Variants in CMC1 observed in about 807,000 individuals in gnomAD.
CMC1 encodes COX assembly mitochondrial protein homolog.
A neutral mutation model predicts 14.1 loss-of-function variants in CMC1; 14 were observed. The observed-to-expected ratio is 0.99, with a 90% CI of 0.66 to 1.55. The LOEUF is 1.55. Among genes scored for constraint, CMC1 ranks in the 40% most tolerant of loss-of-function variants. The probability of loss-of-function intolerance (pLI) is 0.00; values close to 1 mark genes in which losing one functional copy is unlikely to be tolerated. For missense variants in CMC1, 127 were observed against 123.8 expected (o/e 1.03, Z -0.12); for synonymous variants, 50 against 38.4 (o/e 1.30, Z -1.12).
Position 28,308,929 on chromosome 3 carries a change from G to A in CMC1, c.110-7404G>A, listed in dbSNP as rs563259602. Among the ~76,000 whole-genome samples, 5 of 151,800 alleles carry A rather than the reference G, an allele frequency of 3.3e-5. No individual in the cohort carries two copies. The South Asian group carries it at 8.3e-4, about 25-fold the overall frequency. On this transcript the variant is annotated intron_variant, in intron 2 of 3. Transcript: ENST00000466830. ...ACCTGGGAGGCGGAGGTTGCAGTGA[G>A]CCAAGATCATGCCACTGCACTCCAG...
At chr3:28,279,198 T>C (rs1700740138) in intron 2 of CMC1, among the ~76,000 whole-genome samples, 1 of 152,160 alleles carries the variant, frequency 6.6e-6, no homozygotes, top group African/African-American at 2.4e-5. Context: ...GTGAGTCCCC[T>C]GCCAGGTAGG....
intron 2 of CMC1, among the ~76,000 whole-genome samples, chr3:28,302,424 A>G (rs1702100433): frequency 6.6e-6 from 1 of 152,174 alleles, no homozygotes; most frequent in South Asian, 2.1e-4. Context: ...CAAAGAGGGA[A>G]TATGTAAGAA....
Position 28,304,108 on chromosome 3 carries a change from A to G in CMC1, c.110-12225A>G, listed in dbSNP as rs575415847. On this transcript the variant is annotated intron_variant, in intron 2 of 3. Transcript: ENST00000466830. ...CCAACATGGTCACCATTAGACATAC[A>G]TGGCTATTTTAATTAAAATGAAAAA... 4.6e-5 allele frequency among the ~76,000 whole-genome samples: 7 copies of G among 152,282 alleles called. No homozygotes were observed. In the East Asian group the frequency reaches 1.2e-3, roughly 25 times the overall value.
At chr3:28,294,341 A>G (rs926912085) in intron 2 of CMC1, 1 of 188,294 alleles carries the variant, frequency 5.3e-6, no homozygotes, top group African/African-American at 2.4e-5. Flanking sequence ...TAGGCTTCTA[A>G]AGTTGCGAAT....
At chr3:28,315,841 C>A (rs540799417) in intron 2 of CMC1, 1 of 152,612 alleles carries the variant, frequency 6.6e-6, no homozygotes, top group South Asian at 2.1e-4. Flanking sequence ...CTAGGCTATA[C>A]AAAATAGCCT....
At position 28,319,491 on chromosome 3, in the gene CMC1, T is replaced by G; in HGVS notation, c.201-18T>G. The G allele has an allele frequency of 6.3e-7, 1 of 1,575,894 alleles. No homozygotes were observed. The highest frequency in any genetic ancestry group is 8.7e-7 in the Non-Finnish European group (1 of 1,155,026). On this transcript the variant is annotated intron_variant, in intron 3 of 3. Transcript: ENST00000466830. ...GCAGGATTATTTACTTGAAAATATTTTCATTTCCTTCTCATAGCTATAATG... is the reference window on the plus strand; with the variant it reads ...GCAGGATTATTTACTTGAAAATATTGTCATTTCCTTCTCATAGCTATAATG...
At chr3:28,294,046 T>C (rs922641628) in intron 2 of CMC1, among the ~76,000 whole-genome samples, 4 of 152,184 alleles carry the variant, frequency 2.6e-5, no homozygotes, top group East Asian at 1.9e-4. Flanking sequence ...CTCATTTTAA[T>C]TGGTTAGAGT....
rs1377586542 is a variant in CMC1, at chr3:28,324,272, G to A, written c.*4643G>A. 1 of 1,608,920 alleles carries A rather than the reference G, an allele frequency of 6.2e-7. No homozygotes were observed. Among genetic ancestry groups the A allele is most frequent in the South Asian group, 1.1e-5 (1 of 90,784 alleles). On this transcript the variant is annotated 3_prime_UTR_variant, in exon 4 of 4. Coordinates refer to ENST00000466830, the MANE Select transcript of CMC1 (RefSeq NM_182523.2). ...GATCTCTCATTGTCTGTCCATGATT[G>A]GAGGATTGCTTTCTCTGATAAAACC...
intron 1 of CMC1, chr3:28,262,994 A>G (rs1280662387): frequency 8.4e-5 from 22 of 261,174 alleles, no homozygotes. Context: ...GGAATGATTT[A>G]GATGCCAACT....
intron 2 of CMC1, among the ~76,000 whole-genome samples, chr3:28,292,204 A>T (rs1180300069): frequency 6.6e-6 from 1 of 152,122 alleles, no homozygotes; most frequent in African/African-American, 2.4e-5. Flanking sequence ...AATTTATAGT[A>T]TAATACTATC....
At chr3:28,302,137 C>T (rs1208713581) in intron 2 of CMC1, among the ~76,000 whole-genome samples, 1 of 152,166 alleles carries the variant, frequency 6.6e-6, no homozygotes, top group Non-Finnish European at 1.5e-5. Context: ...ACTGTTGGCT[C>T]ATACTTATTG....
chr3:28,252,867 A>G (rs531165685), intron 1 of CMC1, among the ~76,000 whole-genome samples: 3 of 152,354 alleles, frequency 2.0e-5, no homozygotes, highest in Non-Finnish European at 4.4e-5. Flanking sequence ...GAGAACTGTT[A>G]TGAAGACTGT....
intron 2 of CMC1, among the ~76,000 whole-genome samples, chr3:28,278,727 A>T (rs962778219): frequency 6.6e-6 from 1 of 152,238 alleles, no homozygotes; most frequent in Non-Finnish European, 1.5e-5. Context: ...TAAAAAGAGT[A>T]AATTACCTAT....
chr3:28,294,425 A>G, intron 2 of CMC1: 3 of 900,556 alleles, frequency 3.3e-6, no homozygotes, highest in Non-Finnish European at 4.0e-6. Context: ...TTTCTCTTTT[A>G]CAATACAGGA....
chr3:28,305,779 A>ATTTTTT lies in CMC1; in HGVS notation c.110-10528_110-10523dup, dbSNP rs71087685. Among the ~76,000 whole-genome samples the ATTTTTT allele has an allele frequency of 2.5e-3, 107 of 43,578 alleles. 3 individuals are homozygous for ATTTTTT. The highest frequency in any genetic ancestry group is 8.7e-3 in the African/African-American group (78 of 8,996). 28.6% of individuals were successfully genotyped at this position (43,578 alleles called of 152,430 possible). A position where few individuals can be genotyped will look rare whatever the true frequency, so the allele number is the denominator to read the frequency against. On this transcript the variant is annotated intron_variant, in intron 2 of 3. Coordinates refer to ENST00000466830, the MANE Select transcript of CMC1 (RefSeq NM_182523.2). ...GTGTCCAGAAGAGTTTTTCATAGGA[A>ATTTTTT]TTTTTTTTTTTTTTTTTTTTTTTTT...
At chr3:28,245,319 T>G (rs1485361851) in intron 1 of CMC1, among the ~76,000 whole-genome samples, 2 of 152,232 alleles carry the variant, frequency 1.3e-5, no homozygotes, top group Non-Finnish European at 2.9e-5. Flanking sequence ...AACAGCAATC[T>G]TTGCTTATTG....
At chr3:28,282,214 G>T (rs1425883430) in intron 2 of CMC1, among the ~76,000 whole-genome samples, 1 of 152,108 alleles carries the variant, frequency 6.6e-6, no homozygotes, top group African/African-American at 2.4e-5. Flanking sequence ...TTGGCTTTCT[G>T]CATTCTTTTA....
intron 2 of CMC1, among the ~76,000 whole-genome samples, chr3:28,288,911 G>T (rs1292019776): frequency 6.6e-6 from 1 of 151,520 alleles, no homozygotes. Flanking sequence ...AAAACACTTT[G>T]TAAACTGTAG....
chr3:28,274,220 C>CTTTTT lies in CMC1; in HGVS notation c.109+10851_109+10855dup, dbSNP rs544985268. On this transcript the variant is annotated intron_variant, in intron 2 of 3. Transcript: ENST00000466830. ...TGTACTAAAGTGTTTTTGTTTTTTT[C>CTTTTT]TTTTTTTTTTTTTTTGCAGTGGCTA... Among the ~76,000 whole-genome samples the CTTTTT allele has an allele frequency of 7.0e-4, 79 of 112,314 alleles. 4 individuals carry two copies. The highest frequency in any genetic ancestry group is 2.0e-3 in the African/African-American group (59 of 30,086). The allele number at this position is 112,314 out of a possible 152,430, so 73.7% of individuals were successfully genotyped here.
Sources: allele counts gnomAD v4.1 joint callset (sites outside exome capture counted in the v4.1 genomes callset), GRCh38; gene constraint gnomAD v4.1.1; transcripts MANE v1.5; gene names NCBI Gene and HGNC (gene_info 2026-07-23, HGNC 2026-07-21).